LHX6: variants seen among roughly 807,000 people sequenced by gnomAD.
LHX6 encodes LIM/homeobox protein Lhx6.
A neutral mutation model predicts 47.1 loss-of-function variants in LHX6; 15 were observed. The ratio of observed to expected loss-of-function variants is 0.32; its 90% CI spans 0.21 to 0.49. LHX6 has a LOEUF of 0.49. Ranked by LOEUF, LHX6 falls within the 20% of genes least tolerant of loss-of-function variation. The pLI, the probability that LHX6 is intolerant of heterozygous loss-of-function variation, is 0.99. For missense variants in LHX6, 404 were observed against 539.6 expected, an observed-to-expected ratio of 0.75 and a Z score of 2.49; for synonymous variants, 242 against 233.5, an observed-to-expected ratio of 1.04 and a Z score of -0.33.
At chr9:122,227,161 G>A (rs1588366404) in intron 2 of LHX6, 131 bp from the exon 3 acceptor site, 1 of 902,278 alleles carries the variant, frequency 1.1e-6, no homozygotes, top group East Asian at 2.9e-5. Context: ...GCCGTAGACT[G>A]AAGGACAGGG....
At chr9:122,228,487 C>G (rs929073491) in intron 1 of LHX6, 170 bp downstream of exon 1, 1 of 1,044,268 alleles carries the variant, frequency 9.6e-7, no homozygotes, top group African/African-American at 3.9e-5. Context: ...CTTTCCGCGA[C>G]CCCCCCCCCC....
chr9:122,214,998 C>T lies in LHX6; in HGVS notation c.683-615G>A, dbSNP rs187412488. ...TGTAAGGTTTAATTTTGTTAACCGG[C>T]GTATATGTTAGATATTCTCTTTCCA... On this transcript the variant is annotated intron_variant, in intron 5 of 9. Transcript: ENST00000394319. The surrounding 1 kb of genome is among the most constrained non-coding windows in gnomAD (Gnocchi z 4.6). Among the ~76,000 whole-genome samples the T allele has an allele frequency of 2.0e-5, 3 of 152,138 alleles. No homozygotes were observed. Among genetic ancestry groups the T allele is most frequent in the Non-Finnish European group, 2.9e-5 (2 of 68,036 alleles).
Position 122,217,297 on chromosome 9 carries a change from C to G in LHX6, c.462-9G>C, listed in dbSNP as rs778781016. Reference sequence around the variant, plus strand: ...ACTTGGTCCCGAATCGGCTGCAGGTCGAGAGGACAGGCACGGGGTGTCGAG... The same window carrying G: ...ACTTGGTCCCGAATCGGCTGCAGGTGGAGAGGACAGGCACGGGGTGTCGAG... On this transcript the variant is annotated splice_polypyrimidine_tract_variant and intron_variant, in intron 4 of 9. Coordinates refer to ENST00000394319, the MANE Select transcript of LHX6 (RefSeq NM_014368.5). The surrounding 1 kb of genome is among the most constrained non-coding windows in gnomAD (Gnocchi z 4.9). The G allele has an allele frequency of 1.9e-6, 3 of 1,605,564 alleles. No homozygotes were observed. Among genetic ancestry groups the G allele is most frequent in the Non-Finnish European group, 2.5e-6 (3 of 1,177,604 alleles).
chr9:122,204,632 G>T lies in LHX6; in HGVS notation c.*128C>A. On this transcript the variant is annotated 3_prime_UTR_variant, in exon 10 of 10. Coordinates refer to ENST00000394319, the MANE Select transcript of LHX6 (RefSeq NM_014368.5). ...AGGCCTCGGGAACCGACCTGGTGGT[G>T]GGCAGGATGGCGGACGGGGGTGGAT... 2 of 1,162,308 alleles carry T rather than the reference G, an allele frequency of 1.7e-6. No individual in the cohort carries two copies. The highest frequency in any genetic ancestry group is 2.4e-6 in the Non-Finnish European group (2 of 821,022). 72.0% of individuals were successfully genotyped at this position (1,162,308 alleles called of 1,614,324 possible).
rs778781016 is a variant in LHX6, at chr9:122,217,297, C to T, written c.462-9G>A. ...ACTTGGTCCCGAATCGGCTGCAGGT[C>T]GAGAGGACAGGCACGGGGTGTCGAG... On this transcript the variant is annotated splice_polypyrimidine_tract_variant and intron_variant, in intron 4 of 9. Coordinates refer to ENST00000394319, the MANE Select transcript of LHX6 (RefSeq NM_014368.5). The surrounding 1 kb of genome is among the most constrained non-coding windows in gnomAD (Gnocchi z 4.9). 3 of 1,605,566 alleles carry T rather than the reference C, an allele frequency of 1.9e-6. No homozygotes were observed. The highest frequency in any genetic ancestry group is 2.5e-6 in the Non-Finnish European group (3 of 1,177,604).
Position 122,227,422 on chromosome 9 carries a change from G to T in LHX6, c.143C>A (p.Ala48Glu). The T allele has an allele frequency of 6.5e-7, 1 of 1,530,862 alleles. No homozygotes were observed. The allele number at this position is 1,530,862 out of a possible 1,614,324, so 94.8% of individuals were successfully genotyped here. Reference sequence around the variant, plus strand: ...AAACGGACTCACCATGGCGGGCGGCGCGGTCCCTTCAAGACAGCGGGTGGT... The same window carrying T: ...AAACGGACTCACCATGGCGGGCGGCTCGGTCCCTTCAAGACAGCGGGTGGT... ...KATTRCLEGT[A>E]PPAMAQSDAE... Residue 48 changes from alanine to glutamate, a missense_variant, in exon 2 of 10, where the codon GCG becomes GAG. Transcript: ENST00000394319.
At chr9:122,228,603 C>G in intron 1 of LHX6, 54 bp downstream of exon 1, 2 of 1,329,502 alleles carry the variant, frequency 1.5e-6, no homozygotes, top group Non-Finnish European at 1.9e-6. Flanking sequence ...GGCTGGGTCC[C>G]GGACCCTGCC....
At chr9:122,220,905 C>G (rs777627082) in intron 4 of LHX6, 7 of 182,954 alleles carry the variant, frequency 3.8e-5, no homozygotes, top group East Asian at 1.9e-4. Flanking sequence ...ACCTAGTAAG[C>G]GCTTGGTAAT....
intron 2 of LHX6, 155 bp downstream of exon 2, chr9:122,227,254 A>G (rs1831142106): frequency 1.1e-6 from 1 of 900,228 alleles, no homozygotes; most frequent in African/African-American, 1.8e-5. Flanking sequence ...TAAAGCCAAC[A>G]TTCCCTGCCG....
At chr9:122,228,412 T>C in intron 1 of LHX6, 1 of 1,488,968 alleles carries the variant, frequency 6.7e-7, no homozygotes, top group South Asian at 1.3e-5. Flanking sequence ...TCCTCTTGAT[T>C]CGCCTGTGTC....
At chr9:122,218,491 C>T (rs1288781048) in intron 4 of LHX6, among the ~76,000 whole-genome samples, 3 of 152,126 alleles carry the variant, frequency 2.0e-5, no homozygotes, top group Non-Finnish European at 4.4e-5. Context: ...CACTGTTGCC[C>T]TCCTAGGCCA....
At chr9:122,227,741 C>G in intron 1 of LHX6, 11 of 586,698 alleles carry the variant, frequency 1.9e-5, no homozygotes, top group Non-Finnish European at 2.6e-5. Context: ...CGCTTAGTTC[C>G]CTTGCAATCC....
rs1434561631 is a variant in LHX6 at position 122,214,604 on chromosome 9, A to G, written c.683-221T>C. Reference sequence around the variant, plus strand: ...TTCTTACACGACTGGACCACGTCTTACAGCCCTAAGGAGAGGTGGCGTTAC... The same window carrying G: ...TTCTTACACGACTGGACCACGTCTTGCAGCCCTAAGGAGAGGTGGCGTTAC... On this transcript the variant is annotated intron_variant, in intron 5 of 9. Transcript: ENST00000394319. This position sits in a 1 kb window ranked among gnomAD's most constrained non-coding sequence, Gnocchi z 4.6. 6.6e-6 allele frequency among the ~76,000 whole-genome samples: 1 copy of G among 152,160 alleles called. No homozygotes were observed. The highest frequency in any genetic ancestry group is 6.5e-5 in the Admixed American group (1 of 15,276).
At chr9:122,227,385 G>A in intron 2 of LHX6, 24 bp downstream of exon 2, 1 of 1,498,826 alleles carries the variant, frequency 6.7e-7, no homozygotes, top group East Asian at 2.7e-5. Flanking sequence ...ACTGGGCACC[G>A]CAGGCAGGGC....
chr9:122,224,600 G>A (rs1564445725), intron 4 of LHX6, among the ~76,000 whole-genome samples: 1 of 151,924 alleles, frequency 6.6e-6, no homozygotes. Flanking sequence ...CAGAGGAGAG[G>A]GTGGGAGTGG....
At chr9:122,221,141 A>G in intron 4 of LHX6, 1 of 985,492 alleles carries the variant, frequency 1.0e-6, no homozygotes, top group Non-Finnish European at 1.2e-6. Flanking sequence ...TGTGAGGCGA[A>G]CAAGGTGGGT....
At chr9:122,227,582 C>G in intron 1 of LHX6, 102 bp from the exon 2 acceptor site, 1 of 1,399,494 alleles carries the variant, frequency 7.1e-7, no homozygotes, top group Non-Finnish European at 9.2e-7. Flanking sequence ...AAACCGGCGC[C>G]GAACAATGAG....
rs1023465762 is a variant in LHX6 at position 122,226,813 on chromosome 9, C to A, written c.339+35G>T. 2 of 1,547,510 alleles carry A rather than the reference C, an allele frequency of 1.3e-6. No homozygotes were observed. The highest frequency in any genetic ancestry group is 1.7e-6 in the Non-Finnish European group (2 of 1,145,674). ...GTCTCCTGCGCTGCGTCCCACGCCC[C>A]GACAACACGCACGCAACACCTACCC... On this transcript the variant is annotated intron_variant, in intron 3 of 9. Coordinates refer to ENST00000394319, the MANE Select transcript of LHX6 (RefSeq NM_014368.5). The surrounding 1 kb of genome is among the most constrained non-coding windows in gnomAD (Gnocchi z 6.5).
chr9:122,227,505 A>G, intron 1 of LHX6, 25 bp from the exon 2 acceptor site: 1 of 1,520,632 alleles, frequency 6.6e-7, no homozygotes, highest in African/African-American at 1.4e-5. Flanking sequence ...GAGGGAACGC[A>G]GGCGGCGGCG....
Sources: gnomAD v4.1 joint callset for allele counts (sites outside exome capture counted in the v4.1 genomes callset) on GRCh38, gnomAD v4.1.1 for gene constraint, Gnocchi (gnomAD v3.1) non-coding constraint, MANE v1.5 for transcripts, NCBI Gene and HGNC (gene_info 2026-07-23, HGNC 2026-07-21) for gene names.